The following SSBP3 variants were observed in gnomAD, a reference collection of about 807,000 sequenced individuals.
The protein encoded by SSBP3 is single stranded DNA binding protein 3.
Under a neutral mutation model 69.6 loss-of-function variants are expected in SSBP3, and 5 were observed. The ratio of observed to expected loss-of-function variants is 0.07; its 90% CI spans 0.04 to 0.15. The LOEUF (loss-of-function observed/expected upper bound fraction) is 0.15. Among genes scored for constraint, SSBP3 ranks in the 10% least tolerant of loss-of-function variants. The probability of loss-of-function intolerance (pLI) is 1.00; values close to 1 mark genes in which losing one functional copy is unlikely to be tolerated. For synonymous variants in SSBP3, 196 were observed against 193.4 expected (o/e 1.01, Z -0.11); for missense variants, 312 against 534.0 (o/e 0.58, Z 4.10).
chr1:54,400,526 T>G (rs1322885591), intron 4 of SSBP3, among the ~76,000 whole-genome samples: 1 of 152,200 alleles, frequency 6.6e-6, no homozygotes, highest in Non-Finnish European at 1.5e-5. Context: ...AGTGAACCGG[T>G]GGTGACCTCT....
chr1:54,238,515 T>A, intron 14 of SSBP3: 1 of 369,630 alleles, frequency 2.7e-6, no homozygotes, highest in South Asian at 2.1e-5. Context: ...GGAGACAGGC[T>A]GCAGCTGACT....
chr1:54,257,278 T>G, intron 6 of SSBP3, 92 bp from the exon 7 acceptor site: 2 of 1,143,950 alleles, frequency 1.7e-6, no homozygotes, highest in Non-Finnish European at 2.4e-6. Flanking sequence ...CCAGTTTTGT[T>G]ATAACTAGTG....
chr1:54,249,908 G>A (rs1478219011), intron 9 of SSBP3, among the ~76,000 whole-genome samples: 1 of 152,112 alleles, frequency 6.6e-6, no homozygotes, highest in Non-Finnish European at 1.5e-5. Flanking sequence ...TGGGCTGGGC[G>A]GTGGCATTCG....
rs191996852 is a variant in SSBP3 at position 54,355,872 on chromosome 1, C to T, written c.276+45989G>A. 1.2e-3 allele frequency among the ~76,000 whole-genome samples: 183 copies of T among 152,304 alleles called. 2 individuals carry two copies. Among genetic ancestry groups the T allele is most frequent in the Middle Eastern group, 6.8e-3 (2 of 294 alleles). On this transcript the variant is annotated intron_variant, in intron 4 of 17. Coordinates refer to ENST00000610401, the Ensembl canonical transcript of SSBP3. ...GGGGACACGATCCCACGTGAGGGCT[C>T]CTGGAACCCAGCTCCCTCTCCTCCG...
intron 5 of SSBP3, among the ~76,000 whole-genome samples, chr1:54,269,950 T>C (rs1645165151): frequency 1.3e-5 from 2 of 152,180 alleles, no homozygotes; most frequent in Admixed American, 6.5e-5. Context: ...ACGATGATTG[T>C]GTGGGGGCCA....
At chr1:54,241,738 G>A (rs1470838171) in intron 11 of SSBP3, among the ~76,000 whole-genome samples, 2 of 152,198 alleles carry the variant, frequency 1.3e-5, no homozygotes, top group Non-Finnish European at 2.9e-5. Flanking sequence ...TCCTGGGAGG[G>A]AGCCACAGAC....
chr1:54,318,903 C>T (rs763694436), intron 4 of SSBP3, among the ~76,000 whole-genome samples: 31 of 152,164 alleles, frequency 2.0e-4, no homozygotes, highest in Admixed American at 1.7e-3. Flanking sequence ...AGGATGTATC[C>T]GGCACCTTTC....
chr1:54,370,616 G>A (rs1171359337), intron 4 of SSBP3, among the ~76,000 whole-genome samples: 1 of 152,100 alleles, frequency 6.6e-6, no homozygotes, highest in Non-Finnish European at 1.5e-5. Flanking sequence ...AACAAAACGG[G>A]GTAATAAGCC....
chr1:54,284,418 A>AT (rs1405750753), intron 4 of SSBP3, among the ~76,000 whole-genome samples: 1 of 151,260 alleles, frequency 6.6e-6, no homozygotes, highest in Non-Finnish European at 1.5e-5. Flanking sequence ...TGGGTATTTG[A>AT]TTTTTTATAT....
intron 4 of SSBP3, among the ~76,000 whole-genome samples, chr1:54,312,857 G>C (rs891121428): frequency 6.6e-6 from 1 of 152,122 alleles, no homozygotes; most frequent in Non-Finnish European, 1.5e-5. Flanking sequence ...CCCTCCAGTG[G>C]GGGTTGATTG....
At chr1:54,233,554 C>A (rs546025233) in intron 14 of SSBP3, among the ~76,000 whole-genome samples, 3 of 141,008 alleles carry the variant, frequency 2.1e-5, no homozygotes, top group Non-Finnish European at 4.7e-5. Flanking sequence ...GTAAGCCCCC[C>A]GCCCGGCCAG....
chr1:54,301,266 T>G (rs1645796043), intron 4 of SSBP3, among the ~76,000 whole-genome samples: 3 of 152,186 alleles, frequency 2.0e-5, no homozygotes, highest in African/African-American at 7.2e-5. Context: ...AGGAAGGAAT[T>G]AATGCCCATT....
chr1:54,262,523 C>T (rs1645034124), intron 5 of SSBP3, among the ~76,000 whole-genome samples: 2 of 152,302 alleles, frequency 1.3e-5, no homozygotes, highest in Non-Finnish European at 1.5e-5. Flanking sequence ...ATGCTGGGGT[C>T]TGGAGGCACA....
intron 4 of SSBP3, among the ~76,000 whole-genome samples, chr1:54,288,142 T>C (rs558028261): frequency 6.6e-6 from 1 of 152,266 alleles, no homozygotes; most frequent in South Asian, 2.1e-4. Flanking sequence ...AGCGGAGACA[T>C]GGCACAAACC....
At chr1:54,381,525 T>A (rs531635978) in intron 4 of SSBP3, among the ~76,000 whole-genome samples, 3 of 152,278 alleles carry the variant, frequency 2.0e-5, no homozygotes, top group South Asian at 4.1e-4. Flanking sequence ...TATAAGGACA[T>A]TTTTGTTTCA....
At chr1:54,395,044 T>C (rs1404008357) in intron 4 of SSBP3, among the ~76,000 whole-genome samples, 1 of 151,814 alleles carries the variant, frequency 6.6e-6, no homozygotes, top group Non-Finnish European at 1.5e-5. Context: ...GGAATCGCCT[T>C]TGTGGGATTT....
At chr1:54,401,706 T>C (rs1387778677) in intron 4 of SSBP3, among the ~76,000 whole-genome samples, 155 bp downstream of exon 4, 2 of 152,146 alleles carry the variant, frequency 1.3e-5, no homozygotes, top group Non-Finnish European at 1.5e-5. Context: ...AAAGGTACCA[T>C]TGGGAGGGCT....
intron 4 of SSBP3, among the ~76,000 whole-genome samples, chr1:54,374,530 T>C (rs1405305463): frequency 6.6e-6 from 1 of 152,170 alleles, no homozygotes; most frequent in Non-Finnish European, 1.5e-5. Context: ...CAGGATGAAA[T>C]TTGTTCACAA....
At chr1:54,373,252 G>A (rs559720745) in intron 4 of SSBP3, among the ~76,000 whole-genome samples, 47 of 152,272 alleles carry the variant, frequency 3.1e-4, no homozygotes, top group Non-Finnish European at 6.6e-4. Context: ...CACCACTGAC[G>A]GCTGAAGGGA....
Sources: gnomAD v4.1 joint callset for allele counts (sites outside exome capture counted in the v4.1 genomes callset) on GRCh38, gnomAD v4.1.1 for gene constraint, MANE v1.5 for transcripts, NCBI Gene and HGNC (gene_info 2026-07-23, HGNC 2026-07-21) for gene names.